The following DAB1 variants were observed in gnomAD, a reference collection of about 807,000 sequenced individuals.
DAB1 encodes disabled homolog 1.
In DAB1, 15 loss-of-function variants were observed where a neutral mutation model predicts 64.6. The observed-to-expected ratio is 0.23, with a 90% confidence interval of 0.16 to 0.36. The LOEUF (loss-of-function observed/expected upper bound fraction) is 0.36. Ranked by LOEUF, DAB1 falls within the 10% of genes least tolerant of loss-of-function variation. The pLI is 1.00. For synonymous variants in DAB1, 235 were observed against 251.9 expected, an observed-to-expected ratio of 0.93 and a Z score of 0.64; for missense variants, 596 against 706.7, an observed-to-expected ratio of 0.84 and a Z score of 1.78.
chr1:58,293,514 A>G (rs1661896508), intron 4 of DAB1, among the ~76,000 whole-genome samples: 1 of 152,206 alleles, frequency 6.6e-6, no homozygotes, highest in African/African-American at 2.4e-5. Flanking sequence ...GAGTATAAAT[A>G]AAGCCCGCAC....
intron 1 of DAB1, among the ~76,000 whole-genome samples, chr1:57,415,196 A>G (rs1483225189): frequency 6.6e-6 from 1 of 151,866 alleles, no homozygotes. Flanking sequence ...AGTTCCAGGA[A>G]AATCATTTTT....
intron 1 of DAB1, among the ~76,000 whole-genome samples, chr1:57,310,339 A>G (rs1674582814): frequency 6.6e-6 from 1 of 152,178 alleles, no homozygotes; most frequent in African/African-American, 2.4e-5. Flanking sequence ...GGCAGAGGGA[A>G]CAGCAAGCCC....
At chr1:57,117,605 G>A (rs1421322653) in intron 4 of DAB1, among the ~76,000 whole-genome samples, 2 of 152,094 alleles carry the variant, frequency 1.3e-5, no homozygotes, top group Non-Finnish European at 2.9e-5. Flanking sequence ...TCAAGCCCTC[G>A]GTGCAGTGCG....
intron 4 of DAB1, among the ~76,000 whole-genome samples, chr1:58,334,372 T>G (rs930055317): frequency 3.9e-5 from 6 of 152,082 alleles, no homozygotes; most frequent in Non-Finnish European, 7.4e-5. Flanking sequence ...AAATAAATAT[T>G]TGTTGTCCTT....
chr1:57,480,891 C>T (rs1326435558), intron 7 of DAB1, among the ~76,000 whole-genome samples: 1 of 151,860 alleles, frequency 6.6e-6, no homozygotes, highest in Non-Finnish European at 1.5e-5. Flanking sequence ...TAAAGCCCGC[C>T]CTCTTCCCAT....
intron 6 of DAB1, among the ~76,000 whole-genome samples, chr1:57,668,894 T>G (rs1233815149): frequency 6.6e-6 from 1 of 152,168 alleles, no homozygotes; most frequent in East Asian, 1.9e-4. Flanking sequence ...TGTTTTATTA[T>G]GATCTTAAAC....
rs1286377033 is a variant in DAB1, at chr1:58,300,641, AGAGAGAGGAAGG to A, written n.309+42699_309+42710del. The stretch of plus-strand genomic sequence containing the variant: ...GAGAGAGAGAGAGAGAGAGAGAGAG[AGAGAGAGGAAGG>A]AAGGAAGGAAGGAAGGAAGGAAGGA... On this transcript the variant is annotated intron_variant and non_coding_transcript_variant, in intron 4 of 20. Transcript: ENST00000485760. Among the ~76,000 whole-genome samples, 105 of 58,280 alleles carry A rather than the reference AGAGAGAGGAAGG, an allele frequency of 1.8e-3. 1 individual carries two copies. Among genetic ancestry groups the A allele is most frequent in the East Asian group, 7.9e-3 (11 of 1,394 alleles). The allele number at this position is 58,280 out of a possible 152,430, so 38.2% of individuals were successfully genotyped here.
intron 6 of DAB1, among the ~76,000 whole-genome samples, chr1:57,657,413 T>C (rs367604281): frequency 6.6e-5 from 10 of 152,208 alleles, no homozygotes; most frequent in African/African-American, 1.4e-4. Flanking sequence ...GAGTTCCCCA[T>C]TGCAGAATGT....
chr1:57,320,971 T>C lies in DAB1; in HGVS notation c.-136-29805A>G, dbSNP rs569086572. Among the ~76,000 whole-genome samples the C allele has an allele frequency of 5.9e-5, 9 of 152,340 alleles. No individual in the cohort carries two copies. In the South Asian group the frequency reaches 1.9e-3, roughly 32 times the overall value. On this transcript the variant is annotated intron_variant, in intron 1 of 14. Transcript: ENST00000371236. ...CTTCTACTTTTTGCTGCCTCAATTA[T>C]GTAAAGTAAACTATGTATTACAGTC... is the stretch of plus-strand genomic sequence containing the variant.
chr1:57,018,297 C>A (rs1335530659), intron 11 of DAB1, among the ~76,000 whole-genome samples: 1 of 152,188 alleles, frequency 6.6e-6, no homozygotes, highest in Non-Finnish European at 1.5e-5. Flanking sequence ...CCACATGACA[C>A]TTCTGTATTA....
intron 5 of DAB1, among the ~76,000 whole-genome samples, chr1:58,062,331 G>T (rs1401764687): frequency 6.6e-6 from 1 of 152,170 alleles, no homozygotes; most frequent in Non-Finnish European, 1.5e-5. Flanking sequence ...AGTAAGACAA[G>T]AATTATAGTG....
At chr1:57,473,550 C>G (rs1343579040) in intron 7 of DAB1, among the ~76,000 whole-genome samples, 1 of 152,186 alleles carries the variant, frequency 6.6e-6, no homozygotes, top group Admixed American at 6.5e-5. Flanking sequence ...TCTAGGGGAT[C>G]GACTTAAGGC....
At chr1:57,099,404 G>A (rs778963865) in intron 4 of DAB1, among the ~76,000 whole-genome samples, 1 of 152,168 alleles carries the variant, frequency 6.6e-6, no homozygotes, top group African/African-American at 2.4e-5. Flanking sequence ...TAGCTGTAGG[G>A]GTAGCAGTAA....
intron 3 of DAB1, among the ~76,000 whole-genome samples, chr1:58,495,349 A>G (rs1424167719): frequency 6.6e-6 from 1 of 152,134 alleles, no homozygotes; most frequent in Non-Finnish European, 1.5e-5. Flanking sequence ...CAGCACACCA[A>G]CATGGCACAT....
chr1:57,092,275 C>T (rs1380091938), intron 4 of DAB1, among the ~76,000 whole-genome samples: 2 of 152,152 alleles, frequency 1.3e-5, no homozygotes, highest in Admixed American at 1.3e-4. Flanking sequence ...GACATGGCGC[C>T]TGCTCCTTTT....
At chr1:57,663,954 T>C (rs1435042770) in intron 6 of DAB1, among the ~76,000 whole-genome samples, 2 of 152,218 alleles carry the variant, frequency 1.3e-5, no homozygotes, top group Non-Finnish European at 2.9e-5. Context: ...AAACTCATGC[T>C]GAAGTCTTAG....
intron 4 of DAB1, among the ~76,000 whole-genome samples, chr1:57,080,149 C>G (rs478199): frequency 6.6e-6 from 1 of 152,164 alleles, no homozygotes; most frequent in Non-Finnish European, 1.5e-5. Context: ...CATTGTTCTG[C>G]AACTATCACT....
intron 1 of DAB1, among the ~76,000 whole-genome samples, chr1:57,293,620 A>G (rs1173934486): frequency 6.6e-6 from 1 of 152,194 alleles, no homozygotes; most frequent in Non-Finnish European, 1.5e-5. Context: ...TCTCCCCTTT[A>G]CAAAGGAGGA....
chr1:58,143,159 C>A (rs1336212680), intron 5 of DAB1, among the ~76,000 whole-genome samples: 2 of 151,984 alleles, frequency 1.3e-5, no homozygotes, highest in Admixed American at 1.3e-4. Context: ...GGGAACTATT[C>A]GTCTGAGAAA....
Sources: gnomAD v4.1 joint callset for allele counts (sites outside exome capture counted in the v4.1 genomes callset) on GRCh38, gnomAD v4.1.1 for gene constraint, MANE v1.5 for transcripts, NCBI Gene and HGNC (gene_info 2026-07-23, HGNC 2026-07-21) for gene names.